Variants in KRT33A observed in about 807,000 individuals in gnomAD.
KRT33A encodes keratin 33A.
Under a neutral mutation model 41.1 loss-of-function variants are expected in KRT33A, and 44 were observed. That is an observed-to-expected ratio of 1.07 (90% CI 0.84 to 1.38). KRT33A has a LOEUF of 1.38. KRT33A is among the 40% of genes most tolerant of loss of function. The probability of loss-of-function intolerance (pLI) is 0.00; values close to 1 mark genes in which losing one functional copy is unlikely to be tolerated. For synonymous variants in KRT33A, 229 were observed against 227.8 expected, an observed-to-expected ratio of 1.01 and a Z score of -0.05; for missense variants, 536 against 518.5, an observed-to-expected ratio of 1.03 and a Z score of -0.33.
intron 4 of KRT33A, 24 bp from the exon 5 acceptor site, chr17:41,346,993 G>A (rs774161081): frequency 2.2e-5 from 36 of 1,613,080 alleles, no homozygotes; most frequent in Admixed American, 5.0e-5. Context: ...GGGGAGAAAG[G>A]ATCAGACCCT....
At position 41,347,171 on chromosome 17, in the gene KRT33A, C is replaced by A; in HGVS notation, c.640G>T (p.Asp214Tyr). 1 of 1,614,138 alleles carries A rather than the reference C, an allele frequency of 6.2e-7. No homozygotes were observed. The highest frequency in any genetic ancestry group is 8.5e-7 in the Non-Finnish European group (1 of 1,179,998). ...TTCAGGTCCACAGTGGGAGCAGCGTCCACCTCCACGTTGAGGCGGTCTCCA... is the reference window on the plus strand; with the variant it reads ...TTCAGGTCCACAGTGGGAGCAGCGTACACCTCCACGTTGAGGCGGTCTCCA... ...QLGDRLNVEVDAAPTVDLNQV... is the reference protein window; with the variant it reads ...QLGDRLNVEVYAAPTVDLNQV... The change falls in exon 4 of 7, where the codon GAC becomes TAC. Residue 214 changes from aspartate to tyrosine, a missense_variant. Transcript: ENST00000007735.
At position 41,346,438 on chromosome 17, in the gene KRT33A, C is replaced by G. The variant is rs565420967; in HGVS notation, c.1097+10G>C. 1.3e-5 allele frequency: 21 copies of G among 1,613,964 alleles called. 1 individual carries two copies. In the Middle Eastern group the frequency reaches 1.0e-3, roughly 77 times the overall value. On this transcript the variant is annotated intron_variant, in intron 6 of 6. Transcript: ENST00000007735. ...TGCCCCAAGGAGAAGATTACTACCC[C>G]CATACTGACTTGCAGTCCTCGCTCT... is the stretch of plus-strand genomic sequence containing the variant.
chr17:41,348,742 T>C (rs2017461025), intron 2 of KRT33A, 103 bp from the exon 3 acceptor site: 6 of 1,203,890 alleles, frequency 5.0e-6, no homozygotes, highest in Non-Finnish European at 7.1e-6. Flanking sequence ...GGGTTTGTAG[T>C]TTTTATAGCC....
In KRT33A at chr17:41,347,099, T is replaced by C; in HGVS notation, c.712A>G (p.Thr238Ala). The change falls in exon 4 of 7, where the codon ACC becomes GCC. Residue 238 changes from threonine (T) to alanine (A), a missense_variant. Physicochemically the swap from Thr to Ala is moderately conservative, Grantham distance 58 (BLOSUM62 0). Transcript: ENST00000007735. ...TRSQYEALVETNRREVEQWFA... is the reference protein window; with the variant it reads ...TRSQYEALVEANRREVEQWFA... Reference sequence around the variant, plus strand: ...CATTGCTCCACTTCCCTGCGGTTGGTTTCCACCAGGGCCTCATACTGACTC... The same window carrying C: ...CATTGCTCCACTTCCCTGCGGTTGGCTTCCACCAGGGCCTCATACTGACTC... 2 of 1,614,126 alleles carry C rather than the reference T, an allele frequency of 1.2e-6. No homozygotes were observed. Among genetic ancestry groups the C allele is most frequent in the Non-Finnish European group, 8.5e-7 (1 of 1,179,994 alleles).
chr17:41,349,436 G>A lies in KRT33A; in HGVS notation c.349-8C>T. ...AGACTTGCTGCACAGGATCTAGAAG[G>A]CCCAAAACATTCAAGAATGAGCAAG... On this transcript the variant is annotated splice_region_variant and splice_polypyrimidine_tract_variant and intron_variant, in intron 1 of 6. Coordinates refer to ENST00000007735, the MANE Select transcript of KRT33A (RefSeq NM_004138.4). 1 of 1,613,940 alleles carries A rather than the reference G, an allele frequency of 6.2e-7. No homozygotes were observed. The highest frequency in any genetic ancestry group is 8.5e-7 in the Non-Finnish European group (1 of 1,179,928).
chr17:41,350,228 T>C (rs2017485392), intron 1 of KRT33A, among the ~76,000 whole-genome samples, 192 bp downstream of exon 1: 1 of 152,164 alleles, frequency 6.6e-6, no homozygotes, highest in Non-Finnish European at 1.5e-5. Flanking sequence ...TACCTCCACA[T>C]AGACTAACAC....
chr17:41,349,242 A>G (rs1260336452), intron 2 of KRT33A, 104 bp downstream of exon 2: 9 of 1,103,492 alleles, frequency 8.2e-6, no homozygotes, highest in Non-Finnish European at 1.1e-5. Context: ...CAGCTAGAAC[A>G]TAGCTCAGTC....
Position 41,350,737 on chromosome 17 carries a change from T to C in KRT33A, c.31A>G (p.Ser11Gly), listed in dbSNP as rs2017498226. MSYSCGLPSL[S>G]CRTSCSSRPC... is the part of the protein sequence containing the mutation. ...CGGGAGGAGCAGCTGGTGCGGCAGC[T>C]CAGGCTGGGCAGGCCACAACTGTAA... The change falls in exon 1 of 7, where the codon AGC becomes GGC. Residue 11 changes from serine (S) to glycine (G), a missense_variant. Coordinates refer to ENST00000007735, the MANE Select transcript of KRT33A (RefSeq NM_004138.4). 3.7e-6 allele frequency: 6 copies of C among 1,611,622 alleles called. No individual in the cohort carries two copies. The highest frequency in any genetic ancestry group is 1.4e-5 in the African/African-American group (1 of 73,598).
chr17:41,349,533 A>G, intron 1 of KRT33A, 105 bp from the exon 2 acceptor site: 1 of 1,147,870 alleles, frequency 8.7e-7, no homozygotes, highest in East Asian at 2.4e-5. Flanking sequence ...TGTCTATCTT[A>G]TTAAATGCTT....
intron 1 of KRT33A, 88 bp downstream of exon 1, chr17:41,350,332 C>A: frequency 6.7e-7 from 1 of 1,484,024 alleles, no homozygotes; most frequent in Non-Finnish European, 9.2e-7. Context: ...TTTTCATTCA[C>A]ATCAAGAGCT....
intron 3 of KRT33A, among the ~76,000 whole-genome samples, chr17:41,347,974 T>C (rs1761219964): frequency 6.6e-6 from 1 of 152,254 alleles, no homozygotes; most frequent in African/African-American, 2.4e-5. Context: ...TCAGGTTGCA[T>C]AAAATACACG....
In KRT33A at chr17:41,348,545, G is replaced by A. The variant is rs767397178; in HGVS notation, c.526C>T (p.Leu176=). The change falls in exon 3 of 7, where the codon CTG becomes TTG. Residue 176 remains leucine (L), a synonymous_variant. Coordinates refer to ENST00000007735, the MANE Select transcript of KRT33A (RefSeq NM_004138.4). ...TTCAGGGACTCCACCTGGGCCTCCA[G>A]GTCAGACCTGCACAGGGTCAGCTCA... ...LDELTLCRSD[L]EAQVESLKEE... 8 of 1,613,854 alleles carry A rather than the reference G, an allele frequency of 5.0e-6. No homozygotes were observed. Among genetic ancestry groups the A allele is most frequent in the African/African-American group, 2.7e-5 (2 of 74,846 alleles).
intron 6 of KRT33A, 21 bp downstream of exon 6, chr17:41,346,427 G>T: frequency 6.2e-7 from 1 of 1,613,436 alleles, no homozygotes; most frequent in Non-Finnish European, 8.5e-7. Context: ...CCAAGGAGAA[G>T]ATTACTACCC....
At position 41,346,172 on chromosome 17, in the gene KRT33A, T is replaced by C; in HGVS notation, c.1162A>G (p.Asn388Asp). The part of the protein sequence containing the change: ...CDKSTGPCIS[N>D]PCGLRARCGP... The stretch of plus-strand genomic sequence containing the variant: ...CACCGAGCACGTAGGCCACAGGGAT[T>C]AGAGATACAGGGCCCAGTGGACTTG... The change falls in exon 7 of 7, where the codon AAT (asparagine) becomes GAT (aspartate). Residue 388 changes from asparagine to aspartate, a missense_variant. Transcript: ENST00000007735. 6.2e-7 allele frequency: 1 copy of C among 1,614,106 alleles called. No individual in the cohort carries two copies. Among genetic ancestry groups the C allele is most frequent in the Non-Finnish European group, 8.5e-7 (1 of 1,180,010 alleles).
At chr17:41,348,395 GC>G in intron 3 of KRT33A, 87 bp downstream of exon 3, 5 of 1,345,878 alleles carry the variant, frequency 3.7e-6, no homozygotes, top group Non-Finnish European at 5.2e-6. Flanking sequence ...AGCTAATTGA[GC>G]CTCTACTGAC....
intron 5 of KRT33A, 81 bp downstream of exon 5, chr17:41,346,763 G>C: frequency 6.2e-7 from 1 of 1,609,226 alleles, no homozygotes; most frequent in Non-Finnish European, 8.5e-7. Context: ...GAGCTAAGGA[G>C]AGTGTGTGGC....
At chr17:41,349,481 A>T in intron 1 of KRT33A, 53 bp from the exon 2 acceptor site, 1 of 1,579,898 alleles carries the variant, frequency 6.3e-7, no homozygotes, top group Non-Finnish European at 8.7e-7. Flanking sequence ...ATTTTTCACC[A>T]ATGGCAGTCC....
At position 41,346,377 on chromosome 17, in the gene KRT33A, A is replaced by C; in HGVS notation, c.1097+71T>G. ...AGCTTGAAATTATAAATTCATTTCC[A>C]TCAAGAAGACTATTCATCTCCACAG... On this transcript the variant is annotated intron_variant, in intron 6 of 6. Coordinates refer to ENST00000007735, the MANE Select transcript of KRT33A (RefSeq NM_004138.4). 6.9e-6 allele frequency: 11 copies of C among 1,598,540 alleles called. No homozygotes were observed. In the South Asian group the frequency reaches 8.8e-5, roughly 13 times the overall value.
rs747819026 is a variant in KRT33A at position 41,346,413 on chromosome 17, T to C, written c.1097+35A>G. The C allele has an allele frequency of 1.9e-5, 30 of 1,611,756 alleles. No homozygotes were observed. The Middle Eastern group carries it at 8.4e-4, about 45-fold the overall frequency. On this transcript the variant is annotated intron_variant, in intron 6 of 6. Coordinates refer to ENST00000007735, the MANE Select transcript of KRT33A (RefSeq NM_004138.4). ...TATTCATCTCCACAGCAACCTAACA[T>C]GCCCCAAGGAGAAGATTACTACCCC...
Sources: allele counts gnomAD v4.1 joint callset (sites outside exome capture counted in the v4.1 genomes callset), GRCh38; gene constraint gnomAD v4.1.1; transcripts MANE v1.5; gene names NCBI Gene and HGNC (gene_info 2026-07-23, HGNC 2026-07-21).